Variants in EYA3 observed in about 807,000 individuals in gnomAD.
EYA3 encodes protein phosphatase EYA3.
In EYA3, 39 loss-of-function variants were observed where a neutral mutation model predicts 80.0. That is an observed-to-expected ratio of 0.49 (90% CI 0.38 to 0.64). The LOEUF is 0.64. Ranked by LOEUF, EYA3 falls within the 30% of genes least tolerant of loss-of-function variation. The pLI, the probability that EYA3 is intolerant of heterozygous loss-of-function variation, is 0.00. For missense variants in EYA3, 523 were observed against 676.1 expected, an observed-to-expected ratio of 0.77 and a Z score of 2.51; for synonymous variants, 206 against 232.8, an observed-to-expected ratio of 0.88 and a Z score of 1.05.
At chr1:28,074,578 T>C (rs575570836) in intron 1 of EYA3, among the ~76,000 whole-genome samples, 151 of 151,802 alleles carry the variant, frequency 9.9e-4, no homozygotes, top group Non-Finnish European at 1.8e-3. Flanking sequence ...GCAGTGGCAA[T>C]TGTCCCTCCT....
chr1:28,019,994 G>A (rs1462269668), intron 7 of EYA3, among the ~76,000 whole-genome samples: 3 of 152,168 alleles, frequency 2.0e-5, no homozygotes, highest in Non-Finnish European at 4.4e-5. Flanking sequence ...GAGCCACCAC[G>A]CCCGGCTACT....
intron 6 of EYA3, 50 bp downstream of exon 6, chr1:28,035,494 G>A (rs756944707): frequency 2.5e-6 from 4 of 1,594,548 alleles, no homozygotes; most frequent in Non-Finnish European, 3.4e-6. Flanking sequence ...CAAAGTTTCT[G>A]CGGAATAAAA....
intron 13 of EYA3, among the ~76,000 whole-genome samples, chr1:27,995,586 A>T (rs1640396224): frequency 6.6e-6 from 1 of 150,792 alleles, no homozygotes. Flanking sequence ...AATACAAAAA[A>T]TTAGCCAGGA....
At chr1:27,976,065 T>G (rs897548818) in intron 17 of EYA3, among the ~76,000 whole-genome samples, 1 of 152,210 alleles carries the variant, frequency 6.6e-6, no homozygotes, top group African/African-American at 2.4e-5. Flanking sequence ...CACAGTTATT[T>G]TGGCATATAC....
chr1:28,073,866 C>CA (rs1645115301), intron 1 of EYA3, among the ~76,000 whole-genome samples: 1 of 152,080 alleles, frequency 6.6e-6, no homozygotes, highest in Non-Finnish European at 1.5e-5. Context: ...GATTTTTAGA[C>CA]AAAATCACAT....
In EYA3 at chr1:28,042,648, T is replaced by TGA. The variant is rs756480366; in HGVS notation, c.78_79dup (p.Gln27LeufsTer3). The TGA allele has an allele frequency of 6.2e-7, 1 of 1,613,902 alleles. No individual in the cohort carries two copies. Among genetic ancestry groups the TGA allele is most frequent in the Non-Finnish European group, 8.5e-7 (1 of 1,179,862 alleles). On this transcript the variant is annotated frameshift_variant and splice_region_variant, in exon 4 of 18. Coordinates refer to ENST00000373871, the MANE Select transcript of EYA3 (RefSeq NM_001990.4). LOFTEE classifies it high-confidence loss of function. ...ATCACTGACATCTGGATTGCTTACT[T>TGA]GACTGGGAGAACCAAAATGAATACA...
intron 16 of EYA3, among the ~76,000 whole-genome samples, chr1:27,983,907 G>A (rs1468403885): frequency 2.6e-5 from 4 of 152,132 alleles, no homozygotes; most frequent in East Asian, 1.9e-4. Context: ...CACCCACCTC[G>A]GCCTCCCAAA....
intron 7 of EYA3, among the ~76,000 whole-genome samples, chr1:28,019,763 G>A (rs1480940427): frequency 6.6e-6 from 1 of 151,900 alleles, no homozygotes; most frequent in African/African-American, 2.4e-5. Flanking sequence ...GAGTGCAATG[G>A]TAGTCTCGGC....
At chr1:28,079,237 T>C (rs754851134) in intron 1 of EYA3, among the ~76,000 whole-genome samples, 3 of 152,208 alleles carry the variant, frequency 2.0e-5, no homozygotes, top group Non-Finnish European at 2.9e-5. Context: ...CCAGCTAGGA[T>C]AGGCAAGGAA....
chr1:28,019,194 A>G (rs1642265878), intron 7 of EYA3, among the ~76,000 whole-genome samples: 1 of 152,132 alleles, frequency 6.6e-6, no homozygotes, highest in African/African-American at 2.4e-5. Flanking sequence ...TTAAAACAAC[A>G]AAAACAAAAA....
At chr1:27,989,012 ACT>A (rs1210394136) in intron 15 of EYA3, among the ~76,000 whole-genome samples, 2 of 152,152 alleles carry the variant, frequency 1.3e-5, no homozygotes, top group African/African-American at 4.8e-5. Flanking sequence ...TCTGAGCTGT[ACT>A]CTTTCATCTG....
intron 14 of EYA3, among the ~76,000 whole-genome samples, chr1:27,991,866 G>C (rs547736723): frequency 9.9e-5 from 15 of 152,230 alleles, no homozygotes; most frequent in African/African-American, 3.6e-4. Flanking sequence ...CAGGCATTGG[G>C]CAGGGAAAAG....
At chr1:28,069,517 C>G (rs1381479154) in intron 1 of EYA3, among the ~76,000 whole-genome samples, 2 of 145,842 alleles carry the variant, frequency 1.4e-5, no homozygotes, top group African/African-American at 5.1e-5. Context: ...GTTGACCAGC[C>G]TGGACAACAC....
intron 15 of EYA3, 112 bp from the exon 16 acceptor site, chr1:27,988,768 C>A (rs1463424960): frequency 4.1e-6 from 5 of 1,232,642 alleles, no homozygotes; most frequent in Non-Finnish European, 5.7e-6. Context: ...CTTTAAAGGA[C>A]CTGGTATTAT....
chr1:28,015,824 T>A (rs1434220481), intron 8 of EYA3, among the ~76,000 whole-genome samples: 1 of 152,136 alleles, frequency 6.6e-6, no homozygotes, highest in Non-Finnish European at 1.5e-5. Flanking sequence ...TCTGGTCTGG[T>A]TTTAGGCCTA....
intron 14 of EYA3, 121 bp from the exon 15 acceptor site, chr1:27,989,932 T>C (rs72656570): frequency 1.3e-5 from 6 of 473,526 alleles, no homozygotes; most frequent in Non-Finnish European, 2.3e-5. Context: ...CTGAGTATGT[T>C]TATATATATA....
At chr1:27,986,353 G>A (rs959558025) in intron 16 of EYA3, among the ~76,000 whole-genome samples, 9 of 150,660 alleles carry the variant, frequency 6.0e-5, no homozygotes, top group South Asian at 2.1e-4. Flanking sequence ...CAACAAGAGC[G>A]AAACTCCAAC....
Position 28,048,380 on chromosome 1 carries a change from T to C in EYA3, c.77+3A>G, listed in dbSNP as rs750785120. The C allele has an allele frequency of 1.9e-6, 3 of 1,601,902 alleles. No individual in the cohort carries two copies. Among genetic ancestry groups the C allele is most frequent in the East Asian group, 4.5e-5 (2 of 44,760 alleles). ...CATTAAAAAGAAAGCAAACTTTACA[T>C]ACCTTATAGTTTGCTCTCCTGATTC... On this transcript the variant is annotated splice_donor_region_variant and intron_variant, in intron 3 of 17. Coordinates refer to ENST00000373871, the MANE Select transcript of EYA3 (RefSeq NM_001990.4).
At position 28,058,079 on chromosome 1, in the gene EYA3, C is replaced by A; in HGVS notation, c.-53G>T. ...ATGTGACTGGATTGCAAGTCTCTCT[C>A]AGCAGTTTTCACAATCTGTTTTTAA... On this transcript the variant is annotated 5_prime_UTR_variant, in exon 2 of 18. Coordinates refer to ENST00000373871, the MANE Select transcript of EYA3 (RefSeq NM_001990.4). The A allele has an allele frequency of 1.4e-6, 2 of 1,445,072 alleles. No individual in the cohort carries two copies. The highest frequency in any genetic ancestry group is 2.0e-5 in the Admixed American group (1 of 49,634). 89.5% of individuals were successfully genotyped at this position (1,445,072 alleles called of 1,614,324 possible).
Sources: allele counts gnomAD v4.1 joint callset (sites outside exome capture counted in the v4.1 genomes callset), GRCh38; gene constraint gnomAD v4.1.1; transcripts MANE v1.5; gene names NCBI Gene and HGNC (gene_info 2026-07-23, HGNC 2026-07-21).